The following ERBB4 variants were observed in gnomAD, a reference collection of about 807,000 sequenced individuals.
ERBB4 encodes the protein erb-b2 receptor tyrosine kinase 4.
In ERBB4, 42 loss-of-function variants were observed where a neutral mutation model predicts 158.0. The ratio of observed to expected loss-of-function variants is 0.27; its 90% CI spans 0.21 to 0.34. The LOEUF (loss-of-function observed/expected upper bound fraction) is 0.34, where lower values mean the gene tolerates loss of function less well. ERBB4 is among the 10% of genes least tolerant of loss of function. The pLI, the probability that ERBB4 is intolerant of heterozygous loss-of-function variation, is 1.00. For missense variants in ERBB4, 1,333 were observed against 1,624.1 expected, an observed-to-expected ratio of 0.82 and a Z score of 3.08; for synonymous variants, 583 against 558.7, an observed-to-expected ratio of 1.04 and a Z score of -0.61.
At position 212,375,921 on chromosome 2, in the gene ERBB4, A is replaced by C. The variant is rs560176346; in HGVS notation, c.82+162528T>G. On this transcript the variant is annotated intron_variant, in intron 1 of 27. Transcript: ENST00000342788. ...AATGTCCCAAGGAAATCAGCAGTTTACAAATGGATAACTTGTTTCGAGAAG... is the reference window on the plus strand; with the variant it reads ...AATGTCCCAAGGAAATCAGCAGTTTCCAAATGGATAACTTGTTTCGAGAAG... Among the ~76,000 whole-genome samples, 3 of 152,250 alleles carry C rather than the reference A, an allele frequency of 2.0e-5. No homozygotes were observed. In the South Asian group the frequency reaches 6.2e-4, roughly 32 times the overall value.
At chr2:212,158,056 C>T (rs1329539086) in intron 1 of ERBB4, among the ~76,000 whole-genome samples, 1 of 151,970 alleles carries the variant, frequency 6.6e-6, no homozygotes, top group East Asian at 1.9e-4. Context: ...GTAATATTTG[C>T]CGAACACTTA....
chr2:211,387,403 T>G (rs2062708849), intron 26 of ERBB4, among the ~76,000 whole-genome samples: 1 of 152,200 alleles, frequency 6.6e-6, no homozygotes, highest in Non-Finnish European at 1.5e-5. Context: ...CTGAAACATA[T>G]TCTAATAAAA....
chr2:212,497,796 C>T lies in ERBB4; in HGVS notation c.82+40653G>A, dbSNP rs557264751. Reference sequence around the variant, plus strand: ...TAAGGGCACAATACAGCAGGCGGAACATTGGAAGCCAGTGACCAAATTCAG... The same window carrying T: ...TAAGGGCACAATACAGCAGGCGGAATATTGGAAGCCAGTGACCAAATTCAG... On this transcript the variant is annotated intron_variant, in intron 1 of 27. Coordinates refer to ENST00000342788, the MANE Select transcript of ERBB4 (RefSeq NM_005235.3). Among the ~76,000 whole-genome samples, 13 of 152,308 alleles carry T rather than the reference C, an allele frequency of 8.5e-5. No homozygotes were observed. The South Asian group carries it at 2.3e-3, about 27-fold the overall frequency.
intron 14 of ERBB4, among the ~76,000 whole-genome samples, chr2:211,669,579 A>C (rs1361281661): frequency 1.3e-5 from 2 of 152,172 alleles, no homozygotes; most frequent in African/African-American, 4.8e-5. Flanking sequence ...AAAATTATAA[A>C]AAATTAAATA....
intron 16 of ERBB4, among the ~76,000 whole-genome samples, chr2:211,653,020 T>G (rs2071058687): frequency 6.6e-6 from 1 of 152,092 alleles, no homozygotes; most frequent in Admixed American, 6.5e-5. Flanking sequence ...CTAAAATGGA[T>G]TAGAATCAAA....
chr2:211,815,725 G>C (rs1393747080), intron 3 of ERBB4, among the ~76,000 whole-genome samples: 1 of 152,200 alleles, frequency 6.6e-6, no homozygotes, highest in East Asian at 1.9e-4. Context: ...TGTTGCCAGA[G>C]GAGATTGGCA....
At chr2:212,468,755 CT>C (rs769699185) in intron 1 of ERBB4, among the ~76,000 whole-genome samples, 4 of 152,266 alleles carry the variant, frequency 2.6e-5, no homozygotes, top group Non-Finnish European at 5.9e-5. Context: ...GAGAACCGTA[CT>C]TTTTTTGTGG....
intron 3 of ERBB4, among the ~76,000 whole-genome samples, chr2:211,923,190 C>G (rs2079918565): frequency 6.6e-6 from 1 of 152,012 alleles, no homozygotes; most frequent in African/African-American, 2.4e-5. Flanking sequence ...GACGGCAAAG[C>G]AGACTTTTAA....
intron 1 of ERBB4, among the ~76,000 whole-genome samples, chr2:212,373,640 A>C (rs866606179): frequency 6.6e-6 from 1 of 150,410 alleles, no homozygotes; most frequent in Non-Finnish European, 1.5e-5. Context: ...ATCAAGTTAT[A>C]GTTCTATTTT....
intron 20 of ERBB4, among the ~76,000 whole-genome samples, chr2:211,538,801 TC>T (rs1414487665): frequency 6.6e-6 from 1 of 151,874 alleles, no homozygotes; most frequent in Non-Finnish European, 1.5e-5. Context: ...AATCTGTGAT[TC>T]CCCATGTATG....
intron 20 of ERBB4, among the ~76,000 whole-genome samples, chr2:211,506,079 G>A (rs578069751): frequency 1.3e-5 from 2 of 152,124 alleles, no homozygotes; most frequent in South Asian, 4.1e-4. Context: ...TAAAGTAAAG[G>A]GGTAGAAAAA....
rs551409954 is a variant in ERBB4, at chr2:211,680,628, G to A, written c.1490-1444C>T. On this transcript the variant is annotated intron_variant, in intron 12 of 27. Transcript: ENST00000342788. ...TAACATATGCTTGACAGAGCAAATC[G>A]CCCACACCTGTGATCCTGACTAGTT... Among the ~76,000 whole-genome samples, 35 of 152,230 alleles carry A rather than the reference G, an allele frequency of 2.3e-4. 1 individual carries two copies. In the South Asian group the frequency reaches 5.6e-3, roughly 24 times the overall value.
chr2:212,413,284 C>G (rs947326542), intron 1 of ERBB4, among the ~76,000 whole-genome samples: 2 of 151,850 alleles, frequency 1.3e-5, no homozygotes, highest in African/African-American at 4.8e-5. Context: ...CCCCGCCCAG[C>G]CTATGTAGAG....
chr2:211,454,543 TTC>T (rs200602976), intron 20 of ERBB4, among the ~76,000 whole-genome samples: 172 of 151,392 alleles, frequency 1.1e-3, no homozygotes, highest in African/African-American at 3.8e-3. Flanking sequence ...GCAAATGCAT[TTC>T]TCTCTCTCTC....
chr2:211,568,108 TTCTG>T (rs980325412), intron 19 of ERBB4, among the ~76,000 whole-genome samples: 19 of 152,082 alleles, frequency 1.2e-4, no homozygotes, highest in Non-Finnish European at 2.6e-4. Context: ...AAAAAAATTA[TTCTG>T]TCTTTTTTTT....
At chr2:211,770,144 C>T (rs73985852) in intron 4 of ERBB4, among the ~76,000 whole-genome samples, 3,383 of 152,232 alleles carry the variant, frequency 0.022, 148 homozygotes, top group African/African-American at 0.078. Flanking sequence ...TTAAACTTTA[C>T]GTGAAGTACA....
chr2:211,800,512 G>A (rs1323920507), intron 3 of ERBB4, among the ~76,000 whole-genome samples: 1 of 151,918 alleles, frequency 6.6e-6, no homozygotes, highest in Non-Finnish European at 1.5e-5. Flanking sequence ...GCAGAGATGA[G>A]GCACAATTTT....
intron 1 of ERBB4, among the ~76,000 whole-genome samples, chr2:212,455,114 G>T (rs1688214177): frequency 6.6e-6 from 1 of 152,150 alleles, no homozygotes; most frequent in Non-Finnish European, 1.5e-5. Flanking sequence ...GGACCTTGCT[G>T]CTGTATTTGA....
intron 2 of ERBB4, among the ~76,000 whole-genome samples, chr2:212,058,840 A>T (rs2077666292): frequency 6.6e-6 from 1 of 152,190 alleles, no homozygotes; most frequent in Non-Finnish European, 1.5e-5. Flanking sequence ...TATCATACTG[A>T]ATGGCCAAAA....
Sources: allele counts gnomAD v4.1 joint callset (sites outside exome capture counted in the v4.1 genomes callset), GRCh38; gene constraint gnomAD v4.1.1; transcripts MANE v1.5; gene names NCBI Gene and HGNC (gene_info 2026-07-23, HGNC 2026-07-21).